NCKAP5: variants seen among roughly 807,000 people sequenced by gnomAD.
NCKAP5 encodes NCK associated protein 5, also known as nck-associated protein 5.
NCKAP5 carries 92 observed loss-of-function variants against 167.0 expected under a neutral mutation model. That is an observed-to-expected ratio of 0.55 (90% CI 0.47 to 0.66). The LOEUF (loss-of-function observed/expected upper bound fraction) is 0.66. Among genes scored for constraint, NCKAP5 ranks in the 30% least tolerant of loss-of-function variants. The pLI is 0.00. For synonymous variants in NCKAP5, 891 were observed against 877.4 expected (o/e 1.02, Z -0.27); for missense variants, 2,378 against 2,315.0 (o/e 1.03, Z -0.56).
intron 2 of NCKAP5, among the ~76,000 whole-genome samples, chr2:133,533,248 T>C (rs574851047): frequency 3.9e-5 from 6 of 152,296 alleles, no homozygotes; most frequent in Admixed American, 2.0e-4. Flanking sequence ...TGGCATCCAA[T>C]TGCAGCTAAA....
At chr2:133,076,225 C>T (rs1467588396) in intron 6 of NCKAP5, among the ~76,000 whole-genome samples, 1 of 152,106 alleles carries the variant, frequency 6.6e-6, no homozygotes, top group Non-Finnish European at 1.5e-5. Flanking sequence ...CTTCTTTGTA[C>T]ACTCTATGGT....
chr2:132,798,740 G>A (rs1457943989), intron 11 of NCKAP5, among the ~76,000 whole-genome samples: 3 of 152,300 alleles, frequency 2.0e-5, no homozygotes, highest in Middle Eastern at 3.4e-3. Context: ...AGGTCCTGGG[G>A]CAAGGGCCAG....
At chr2:133,277,606 T>C (rs2089783014) in intron 4 of NCKAP5, among the ~76,000 whole-genome samples, 1 of 152,154 alleles carries the variant, frequency 6.6e-6, no homozygotes, top group Non-Finnish European at 1.5e-5. Flanking sequence ...ATTAACACGA[T>C]ACCAATAAAA....
chr2:132,795,036 C>T (rs138510279), intron 12 of NCKAP5, among the ~76,000 whole-genome samples: 34 of 152,304 alleles, frequency 2.2e-4, no homozygotes, highest in African/African-American at 7.9e-4. Flanking sequence ...TGTGTATGCA[C>T]ATTTCCTGTG....
At chr2:133,117,269 A>G (rs552161217) in intron 6 of NCKAP5, 1 of 152,370 alleles carries the variant, frequency 6.6e-6, no homozygotes, top group Admixed American at 6.5e-5. Context: ...TGTTAATAAA[A>G]AATAAATGAG....
intron 10 of NCKAP5, among the ~76,000 whole-genome samples, chr2:132,863,763 ATAT>A (rs1361328788): frequency 6.6e-6 from 1 of 152,202 alleles, no homozygotes; most frequent in Non-Finnish European, 1.5e-5. Context: ...GTTGTTTTTA[ATAT>A]TCTTATTTTC....
intron 6 of NCKAP5, among the ~76,000 whole-genome samples, chr2:133,091,919 G>C (rs1463443149): frequency 6.6e-6 from 1 of 152,110 alleles, no homozygotes; most frequent in Non-Finnish European, 1.5e-5. Context: ...ATGCTTGTCA[G>C]TCAGCTTTCC....
chr2:133,418,523 T>G, intron 3 of NCKAP5, among the ~76,000 whole-genome samples: 1 of 152,128 alleles, frequency 6.6e-6, no homozygotes, highest in East Asian at 1.9e-4. Context: ...CCAACCAGAC[T>G]AGGAGTGAGA....
At chr2:133,426,723 C>A (rs1689832196) in intron 3 of NCKAP5, among the ~76,000 whole-genome samples, 2 of 152,122 alleles carry the variant, frequency 1.3e-5, no homozygotes, top group African/African-American at 4.8e-5. Context: ...AAAGTATGAT[C>A]TTTAGTTAAT....
intron 3 of NCKAP5, among the ~76,000 whole-genome samples, chr2:133,505,372 C>CATATATATATAT (rs143893267): frequency 6.6e-6 from 1 of 150,942 alleles, no homozygotes; most frequent in African/African-American, 2.4e-5. Context: ...TTTTAAACAT[C>CATATATATATAT]ATATATATAT....
intron 16 of NCKAP5, among the ~76,000 whole-genome samples, chr2:132,767,107 T>G (rs1301850949): frequency 6.6e-6 from 1 of 152,160 alleles, no homozygotes; most frequent in Non-Finnish European, 1.5e-5. Flanking sequence ...AAAACAACTC[T>G]TTTTTCCCCG....
At chr2:132,974,045 G>C (rs1025967900) in intron 7 of NCKAP5, among the ~76,000 whole-genome samples, 1 of 152,076 alleles carries the variant, frequency 6.6e-6, no homozygotes, top group African/African-American at 2.4e-5. Flanking sequence ...CTATCCTGAC[G>C]GTAATAACAG....
At chr2:133,064,318 T>A (rs2080114481) in intron 6 of NCKAP5, among the ~76,000 whole-genome samples, 1 of 152,248 alleles carries the variant, frequency 6.6e-6, no homozygotes, top group Admixed American at 6.5e-5. Flanking sequence ...GATCTTTAAG[T>A]ATACTGATAG....
intron 19 of NCKAP5, among the ~76,000 whole-genome samples, chr2:132,677,801 G>A (rs890583625): frequency 2.0e-5 from 3 of 152,024 alleles, no homozygotes; most frequent in African/African-American, 7.3e-5. Context: ...CCCGTACATG[G>A]GTTATAAAAA....
intron 2 of NCKAP5, among the ~76,000 whole-genome samples, chr2:133,525,138 T>C: frequency 6.6e-6 from 1 of 152,200 alleles, no homozygotes; most frequent in Non-Finnish European, 1.5e-5. Flanking sequence ...GAAACTGATT[T>C]AGAAGAAGAT....
intron 7 of NCKAP5, among the ~76,000 whole-genome samples, chr2:132,988,121 C>T (rs1223554178): frequency 6.6e-6 from 1 of 152,100 alleles, no homozygotes; most frequent in East Asian, 1.9e-4. Flanking sequence ...TCCCAGCATT[C>T]TAAGAGCAAG....
At position 133,330,053 on chromosome 2, in the gene NCKAP5, C is replaced by CTTTTTTTTTTTTT. The variant is rs1165568563; in HGVS notation, c.70-26956_70-26944dup. Among the ~76,000 whole-genome samples the CTTTTTTTTTTTTT allele has an allele frequency of 5.8e-5, 5 of 85,692 alleles. 1 individual carries two copies. The highest frequency in any genetic ancestry group is 2.3e-4 in the African/African-American group (5 of 21,444). 56.2% of individuals were successfully genotyped at this position (85,692 alleles called of 152,430 possible). A position where few individuals can be genotyped will look rare whatever the true frequency, so the allele number is the denominator to read the frequency against. ...GGGAATGTGGCCAAGAAAGCAAGAC[C>CTTTTTTTTTTTTT]TTTTTTTTTTTTTTTTTTTTTTTTT... On this transcript the variant is annotated intron_variant, in intron 3 of 19. Transcript: ENST00000409261.
chr2:132,899,646 G>A (rs1190112384), intron 8 of NCKAP5, among the ~76,000 whole-genome samples: 6 of 152,188 alleles, frequency 3.9e-5, no homozygotes, highest in African/African-American at 7.2e-5. Context: ...AGGCCGAAGC[G>A]GGCAGATCAC....
At chr2:133,508,903 G>T (rs541894552) in intron 3 of NCKAP5, among the ~76,000 whole-genome samples, 1 of 152,178 alleles carries the variant, frequency 6.6e-6, no homozygotes, top group Non-Finnish European at 1.5e-5. Flanking sequence ...TTCATCATCT[G>T]TCAATAACAT....
Sources: gnomAD v4.1 joint callset for allele counts (sites outside exome capture counted in the v4.1 genomes callset) on GRCh38, gnomAD v4.1.1 for gene constraint, MANE v1.5 for transcripts, NCBI Gene and HGNC (gene_info 2026-07-23, HGNC 2026-07-21) for gene names.